Variants in SLFN11 observed in about 807,000 individuals in gnomAD.
SLFN11 encodes schlafen family member 11.
Under a neutral mutation model 53.4 loss-of-function variants are expected in SLFN11, and 43 were observed. The observed-to-expected ratio is 0.80, with a 90% confidence interval of 0.63 to 1.04. The LOEUF (loss-of-function observed/expected upper bound fraction) is 1.04, where lower values mean the gene tolerates loss of function less well. Among genes scored for constraint, SLFN11 ranks in the 50% least tolerant of loss-of-function variants. The pLI, the probability that SLFN11 is intolerant of heterozygous loss-of-function variation, is 0.00. For missense variants in SLFN11, 990 were observed against 1,079.1 expected (o/e 0.92, Z 1.16); for synonymous variants, 389 against 394.7 (o/e 0.99, Z 0.17).
chr17:35,350,478 T>C lies in SLFN11; in HGVS notation c.*1878A>G, dbSNP rs1423691892. ...TAAAATATTATATTGTTTCAAATAT[T>C]GTTAGTGGGGCAATAAATCATAAAG... On this transcript the variant is annotated 3_prime_UTR_variant, in exon 7 of 7. Coordinates refer to ENST00000685675, the MANE Select transcript of SLFN11 (RefSeq NM_001376007.1). 3 of 152,194 alleles carry C rather than the reference T, an allele frequency of 2.0e-5. No individual in the cohort carries two copies. The highest frequency in any genetic ancestry group is 4.4e-5 in the Non-Finnish European group (3 of 68,032). The allele number at this position is 152,194 out of a possible 1,614,324, so 9.4% of individuals were successfully genotyped here.
intron 4 of SLFN11, among the ~76,000 whole-genome samples, chr17:35,361,235 T>G (rs1203748447): frequency 6.6e-6 from 1 of 152,062 alleles, no homozygotes; most frequent in Admixed American, 6.5e-5. Context: ...TAGAAACATG[T>G]TTGGGAAGCA....
Position 35,353,155 on chromosome 17 carries a change from G to C in SLFN11, c.1923-16C>G. ...ATTTCTATCACTGTAAAAATTAAAA[G>C]AACACACTCAGGTTTTCTCTAAAAA... On this transcript the variant is annotated splice_polypyrimidine_tract_variant and intron_variant, in intron 6 of 6. Transcript: ENST00000685675. 1.2e-6 allele frequency: 2 copies of C among 1,606,324 alleles called. No homozygotes were observed. Among genetic ancestry groups the C allele is most frequent in the Non-Finnish European group, 1.7e-6 (2 of 1,176,878 alleles).
chr17:35,362,827 T>G lies in SLFN11; in HGVS notation c.981A>C (p.Glu327Asp), dbSNP rs996793785. The stretch of plus-strand genomic sequence containing the variant: ...CCTCCACTATCCATGAATTGGGAGC[T>G]TCTGAGAACACTGCACAGCAGAAGG... The part of the protein sequence containing the change: ...VNPFCCAVFS[E>D]APNSWIVEDK... The change falls in exon 4 of 7, where the codon GAA becomes GAC. Residue 327 changes from glutamate (E) to aspartate (D), a missense_variant. Around this residue, in one of 3 missense-constraint regions of SLFN11, gnomAD observed 521 missense variants for 516.2 expected, o/e 1.01. Transcript: ENST00000685675. The G allele has an allele frequency of 6.8e-6, 11 of 1,613,396 alleles. No individual in the cohort carries two copies. Among genetic ancestry groups the G allele is most frequent in the Non-Finnish European group, 9.3e-6 (11 of 1,179,682 alleles).
At chr17:35,372,602 AT>A (rs1909828002) in intron 1 of SLFN11, among the ~76,000 whole-genome samples, 1 of 152,090 alleles carries the variant, frequency 6.6e-6, no homozygotes, top group Admixed American at 6.5e-5. Context: ...ACCTACAAAA[AT>A]AAAATAAAAT....
intron 1 of SLFN11, among the ~76,000 whole-genome samples, chr17:35,371,966 C>T (rs1350318268): frequency 1.3e-5 from 2 of 152,056 alleles, no homozygotes; most frequent in African/African-American, 4.8e-5. Flanking sequence ...AATTCTACTC[C>T]TAAGTATTGA....
intron 3 of SLFN11, among the ~76,000 whole-genome samples, chr17:35,365,428 C>T (rs1441091539): frequency 2.0e-5 from 3 of 150,904 alleles, no homozygotes; most frequent in Non-Finnish European, 3.0e-5. Flanking sequence ...GGACTACAGG[C>T]GCACAGCCAC....
chr17:35,363,450 A>G lies in SLFN11; in HGVS notation c.358T>C (p.Ser120Pro), dbSNP rs762436434. The change falls in exon 4 of 7, where the codon TCT (serine) becomes CCT (proline). Residue 120 changes from serine to proline, a missense_variant. By Grantham distance (74) the Ser-to-Pro change is moderately conservative. Around this residue, in one of 3 missense-constraint regions of SLFN11, gnomAD observed 521 missense variants for 516.2 expected, o/e 1.01. Coordinates refer to ENST00000685675, the MANE Select transcript of SLFN11 (RefSeq NM_001376007.1). Reference sequence around the variant, plus strand: ...AGGCTGCAAAGGCGGGGCTTGACAGAGCGATCTTCAGGGAAAGGGCCACTG... The same window carrying G: ...AGGCTGCAAAGGCGGGGCTTGACAGGGCGATCTTCAGGGAAAGGGCCACTG... ...WSSGPFPEDR[S>P]VKPRLCSLSS... 10 of 1,613,866 alleles carry G rather than the reference A, an allele frequency of 6.2e-6. No individual in the cohort carries two copies. The Admixed American group carries it at 8.3e-5, about 13-fold the overall frequency.
At chr17:35,357,904 T>A (rs1231007865) in intron 5 of SLFN11, among the ~76,000 whole-genome samples, 1 of 146,436 alleles carries the variant, frequency 6.8e-6, no homozygotes, top group South Asian at 2.1e-4. Flanking sequence ...TATATAATTA[T>A]ATATTATATT....
In SLFN11 at chr17:35,353,923, C is replaced by T. The variant is rs148585532; in HGVS notation, c.1335G>A (p.Trp445Ter). ...TCTCCTGCAAGTTCAGGTCCACAGC[C>T]CAACTTCTAGAGAAGATCAAAATTC... is the stretch of plus-strand genomic sequence containing the variant. ...FRGILIFSRS[W>*]AVDLNLQEKP... Residue 445 changes from tryptophan to a stop codon, truncating the protein, a stop_gained, in exon 6 of 7, where the codon TGG (tryptophan) becomes TGA (stop). Transcript: ENST00000685675. LOFTEE classifies it high-confidence loss of function. 5 of 1,613,778 alleles carry T rather than the reference C, an allele frequency of 3.1e-6. No individual in the cohort carries two copies. In the African/African-American group the frequency reaches 6.7e-5, roughly 22 times the overall value.
Position 35,363,531 on chromosome 17 carries a change from A to G in SLFN11, c.277T>C (p.Phe93Leu), listed in dbSNP as rs776329575. 2.5e-6 allele frequency: 4 copies of G among 1,613,946 alleles called. No homozygotes were observed. Among genetic ancestry groups the G allele is most frequent in the Non-Finnish European group, 3.4e-6 (4 of 1,179,994 alleles). The change falls in exon 4 of 7, where the codon TTC (phenylalanine) becomes CTC (leucine). Residue 93 changes from phenylalanine (F) to leucine (L), a missense_variant. This residue lies in a region of SLFN11 where 521 missense variants were observed against 516.2 expected (regional missense o/e 1.01). Transcript: ENST00000685675. ...CTTCCTTGTTGCTTGGTCTCAAAGAAAGCCTGCAGATCTGAAGACTGAATA... is the reference window on the plus strand; with the variant it reads ...CTTCCTTGTTGCTTGGTCTCAAAGAGAGCCTGCAGATCTGAAGACTGAATA... ...ELIQSSDLQA[F>L]FETKQQGRCF...
At chr17:35,355,226 G>A (rs993690559) in intron 5 of SLFN11, among the ~76,000 whole-genome samples, 9 of 151,992 alleles carry the variant, frequency 5.9e-5, no homozygotes, top group Admixed American at 5.9e-4. Flanking sequence ...CATATGAGTA[G>A]ATAAGGACTC....
In SLFN11 at chr17:35,363,048, T is replaced by C; in HGVS notation, c.760A>G (p.Ser254Gly). Residue 254 changes from serine to glycine, a missense_variant, in exon 4 of 7, where the codon AGT (serine) becomes GGT (glycine). Coordinates refer to ENST00000685675, the MANE Select transcript of SLFN11 (RefSeq NM_001376007.1). ...GYLFIGVDDK[S>G]REVLGCAKEN... is the part of the protein sequence containing the mutation. Reference sequence around the variant, plus strand: ...TTTGCACATCCCAGGACTTCCCTACTCTTATCATCCACTCCAATAAAAAGA... The same window carrying C: ...TTTGCACATCCCAGGACTTCCCTACCCTTATCATCCACTCCAATAAAAAGA... 1 of 1,614,024 alleles carries C rather than the reference T, an allele frequency of 6.2e-7. No homozygotes were observed. Among genetic ancestry groups the C allele is most frequent in the Non-Finnish European group, 8.5e-7 (1 of 1,179,980 alleles).
chr17:35,362,057 GT>G (rs1908291128), intron 4 of SLFN11, among the ~76,000 whole-genome samples: 1 of 152,030 alleles, frequency 6.6e-6, no homozygotes, highest in Non-Finnish European at 1.5e-5. Flanking sequence ...CCAGAAAGCA[GT>G]ACTATCTATG....
intron 5 of SLFN11, 101 bp from the exon 6 acceptor site, chr17:35,354,160 T>A: frequency 9.8e-7 from 1 of 1,025,392 alleles, no homozygotes. Flanking sequence ...TGATTACTTA[T>A]AGAAGTTTCA....
Position 35,373,558 on chromosome 17 carries a change from C to T in SLFN11, c.-319G>A, listed in dbSNP as rs1471451967. On this transcript the variant is annotated 5_prime_UTR_variant, in exon 1 of 7. Coordinates refer to ENST00000685675, the MANE Select transcript of SLFN11 (RefSeq NM_001376007.1). ...AGAAACGCAACTCCGGAGTCCCAGG[C>T]TGGGGGCAAGGACCCTCTCTGACCT... is the stretch of plus-strand genomic sequence containing the variant. The T allele has an allele frequency of 6.6e-6, 1 of 151,986 alleles. No individual in the cohort carries two copies. The highest frequency in any genetic ancestry group is 1.5e-5 in the Non-Finnish European group (1 of 68,092). 9.4% of individuals were successfully genotyped at this position (151,986 alleles called of 1,614,324 possible). A position where few individuals can be genotyped will look rare whatever the true frequency, so the allele number is the denominator to read the frequency against.
intron 4 of SLFN11, among the ~76,000 whole-genome samples, 191 bp downstream of exon 4, chr17:35,362,548 G>A (rs115370099): frequency 0.01 from 1,527 of 152,196 alleles, 41 homozygotes; most frequent in African/African-American, 0.035. Flanking sequence ...GCCATTTATA[G>A]ACATGTGAGT....
intron 1 of SLFN11, among the ~76,000 whole-genome samples, chr17:35,372,907 T>C (rs1172295764): frequency 2.0e-5 from 3 of 152,124 alleles, no homozygotes; most frequent in Admixed American, 6.5e-5. Flanking sequence ...ACAGATCTTG[T>C]CCAGAGGGAG....
At chr17:35,365,283 A>C (rs1389900407) in intron 3 of SLFN11, among the ~76,000 whole-genome samples, 1 of 152,056 alleles carries the variant, frequency 6.6e-6, no homozygotes, top group Non-Finnish European at 1.5e-5. Flanking sequence ...TTGGTATAAA[A>C]ACAGGACAAA....
At position 35,363,212 on chromosome 17, in the gene SLFN11, A is replaced by G. The variant is rs932468650; in HGVS notation, c.596T>C (p.Leu199Pro). ...AAAAGGCAGGATTTCACCATATTCA[A>G]GATAGTCTTTTTGGAAAATTAGGTC... ...PADLIFQKDY[L>P]EYGEILPFPE... The change falls in exon 4 of 7, where the codon CTT becomes CCT. Residue 199 changes from leucine to proline, a missense_variant. Physicochemically the swap from Leu to Pro is moderately conservative, Grantham distance 98. This residue lies in a region of SLFN11 where 521 missense variants were observed against 516.2 expected (regional missense o/e 1.01). Coordinates refer to ENST00000685675, the MANE Select transcript of SLFN11 (RefSeq NM_001376007.1). 12 of 1,613,968 alleles carry G rather than the reference A, an allele frequency of 7.4e-6. No individual in the cohort carries two copies. Among genetic ancestry groups the G allele is most frequent in the Non-Finnish European group, 1.0e-5 (12 of 1,180,016 alleles).
Sources: allele counts gnomAD v4.1 joint callset (sites outside exome capture counted in the v4.1 genomes callset), GRCh38; gene constraint gnomAD v4.1.1; regional missense constraint gnomAD v4.1.1; transcripts MANE v1.5; gene names NCBI Gene and HGNC (gene_info 2026-07-23, HGNC 2026-07-21).